CT55: variants seen among roughly 807,000 people sequenced by gnomAD.
The protein encoded by CT55 is cancer/testis antigen 55.
In CT55, 1 loss-of-function variant was observed where a neutral mutation model predicts 12.6. The ratio of observed to expected loss-of-function variants is 0.08; its 90% CI spans 0.03 to 0.38. The LOEUF is 0.38. Ranked by LOEUF, CT55 falls within the 10% of genes least tolerant of loss-of-function variation. CT55 has a pLI of 0.99. For synonymous variants in CT55, 43 were observed against 49.7 expected (o/e 0.87, Z 0.57); for missense variants, 109 against 135.4 (o/e 0.80, Z 0.97).
chrX:135,167,236 T>C (rs2083589792), intron 2 of CT55, among the ~76,000 whole-genome samples: 1 of 111,589 alleles, frequency 9.0e-6, no homozygotes, highest in African/African-American at 3.3e-5. Context: ...ACAGTACCAG[T>C]ATAAAAACGG....
At chrX:135,167,692 A>G (rs1387431330) in intron 2 of CT55, among the ~76,000 whole-genome samples, 1 of 111,150 alleles carries the variant, frequency 9.0e-6, no homozygotes, top group Non-Finnish European at 1.9e-5. Context: ...AACATTGACA[A>G]TCTATGTATC....
chrX:135,162,914 C>T (rs1444732465), intron 2 of CT55, among the ~76,000 whole-genome samples: 1 of 111,567 alleles, frequency 9.0e-6, no homozygotes, highest in Non-Finnish European at 1.9e-5. Context: ...GCTTGGATTC[C>T]AGTCTCACAA....
At chrX:135,159,737 G>T (rs1357317074) in intron 3 of CT55, among the ~76,000 whole-genome samples, 3 of 111,669 alleles carry the variant, frequency 2.7e-5, no homozygotes, top group African/African-American at 9.8e-5. Context: ...CAAACAAAAT[G>T]CAGGTCAGAA....
chrX:135,169,695 T>C lies in CT55; in HGVS notation c.178A>G (p.Ser60Gly), dbSNP rs1201406891. The C allele has an allele frequency of 2.5e-6, 3 of 1,204,840 alleles. No individual in the cohort carries two copies. The African/African-American group carries it at 5.3e-5, about 21-fold the overall frequency. ...ACGTTGCCAGTCACAACATCACTAC[T>C]GAAGTAGATCGACTCATCAATCATG... ...YGMIDESIYFSSDVVTGNVPL... is the reference protein window; with the variant it reads ...YGMIDESIYFGSDVVTGNVPL... Residue 60 changes from serine to glycine, a missense_variant, in exon 2 of 6, where the codon AGT (serine) becomes GGT (glycine). By Grantham distance (56) the Ser-to-Gly change is moderately conservative. Transcript: ENST00000276241.
Position 135,171,373 on chromosome X carries a change from C to G in CT55, c.-202G>C. Reference sequence around the variant, plus strand: ...ACACCGCAGCCTCCAAAGGAGCTCCCAGCTTCTCCGCTGACTTCTCCCTCT... The same window carrying G: ...ACACCGCAGCCTCCAAAGGAGCTCCGAGCTTCTCCGCTGACTTCTCCCTCT... On this transcript the variant is annotated 5_prime_UTR_variant, in exon 1 of 6. Coordinates refer to ENST00000276241, the MANE Select transcript of CT55 (RefSeq NM_001031705.3). The G allele has an allele frequency of 1.3e-6, 1 of 747,957 alleles. No homozygotes were observed. Among genetic ancestry groups the G allele is most frequent in the South Asian group, 3.7e-5 (1 of 27,183 alleles). The allele number at this position is 747,957 out of a possible 1,213,427, so 61.6% of individuals were successfully genotyped here. A position where few individuals can be genotyped will look rare whatever the true frequency, so the allele number is the denominator to read the frequency against.
Position 135,171,067 on chromosome X carries a change from C to G in CT55, c.94+11G>C, listed in dbSNP as rs1306806813. 13 of 1,210,137 alleles carry G rather than the reference C, an allele frequency of 1.1e-5. No individual in the cohort carries two copies. The highest frequency in any genetic ancestry group is 1.1e-5 in the Non-Finnish European group (10 of 894,487). On this transcript the variant is annotated intron_variant, in intron 1 of 5. Transcript: ENST00000276241. ...CTGGGGTGGGGGACAAGGGGACACA[C>G]AGAGGAATACCTTGTGGGAGGCCCT...
chrX:135,158,469 CA>C (rs1190568890), intron 3 of CT55, among the ~76,000 whole-genome samples, 158 bp from the exon 4 acceptor site: 6 of 112,268 alleles, frequency 5.3e-5, no homozygotes, highest in African/African-American at 1.9e-4. Flanking sequence ...TCTCTAAGTC[CA>C]AAAAGAAGTT....
Position 135,170,386 on chromosome X carries a change from T to C in CT55, c.95-608A>G, listed in dbSNP as rs369794617. Among the ~76,000 whole-genome samples the C allele has an allele frequency of 3.6e-5, 4 of 112,046 alleles. No homozygotes were observed. In the South Asian group the frequency reaches 1.5e-3, roughly 41 times the overall value. On this transcript the variant is annotated intron_variant, in intron 1 of 5. Transcript: ENST00000276241. ...CACAAGAGTGTGTAAATGTTACCTG[T>C]TAGCATTTCTACATATGAGTCTTTA... is the stretch of plus-strand genomic sequence containing the variant.
intron 3 of CT55, among the ~76,000 whole-genome samples, chrX:135,160,131 G>T (rs1449488529): frequency 2.3e-4 from 26 of 111,845 alleles, no homozygotes; most frequent in African/African-American, 7.2e-4. Flanking sequence ...GCACTTGTAG[G>T]ATTGTTTTCT....
Position 135,171,385 on chromosome X carries a change from T to C in CT55, c.-214A>G, listed in dbSNP as rs1162664669. On this transcript the variant is annotated 5_prime_UTR_variant, in exon 1 of 6. Transcript: ENST00000276241. ...CCAAAGGAGCTCCCAGCTTCTCCGC[T>C]GACTTCTCCCTCTGAGCATGCGCTC... 1.5e-6 allele frequency: 1 copy of C among 668,220 alleles called. No homozygotes were observed. The highest frequency in any genetic ancestry group is 3.9e-5 in the East Asian group (1 of 25,695). 55.1% of individuals were successfully genotyped at this position (668,220 alleles called of 1,213,427 possible).
At chrX:135,157,962 G>A (rs1261276740) in intron 4 of CT55, among the ~76,000 whole-genome samples, 9 of 79,684 alleles carry the variant, frequency 1.1e-4, no homozygotes, top group Admixed American at 1.1e-3. Flanking sequence ...TTTGGGTATC[G>A]AGTAAAATGC....
chrX:135,164,946 A>C (rs185734361), intron 2 of CT55, among the ~76,000 whole-genome samples: 126 of 112,212 alleles, frequency 1.1e-3, no homozygotes, highest in African/African-American at 3.9e-3. Flanking sequence ...ACATTAAGGT[A>C]TAAATGGTGA....
At chrX:135,169,445 T>G in intron 2 of CT55, 149 bp downstream of exon 2, 1 of 381,812 alleles carries the variant, frequency 2.6e-6, no homozygotes, top group East Asian at 4.2e-5. Flanking sequence ...CAGAAGAAGC[T>G]ACAGCTTCAG....
intron 2 of CT55, among the ~76,000 whole-genome samples, chrX:135,164,500 A>G (rs782727809): frequency 9.0e-4 from 101 of 112,222 alleles, no homozygotes; most frequent in African/African-American, 3.2e-3. Flanking sequence ...TGAAAACAGT[A>G]AAAGAGAAAG....
At chrX:135,165,069 G>A (rs1603274223) in intron 2 of CT55, among the ~76,000 whole-genome samples, 2 of 111,966 alleles carry the variant, frequency 1.8e-5, no homozygotes, top group Admixed American at 9.4e-5. Flanking sequence ...TCTGCACTCC[G>A]GACCAAATGG....
At chrX:135,160,341 G>T in intron 3 of CT55, 70 bp downstream of exon 3, 1 of 1,074,591 alleles carries the variant, frequency 9.3e-7, no homozygotes, top group South Asian at 2.3e-5. Flanking sequence ...CACTGTAAAA[G>T]TTGTTCCAGG....
intron 1 of CT55, among the ~76,000 whole-genome samples, chrX:135,170,264 C>T (rs1338366697): frequency 2.7e-5 from 3 of 112,184 alleles, no homozygotes; most frequent in Non-Finnish European, 5.6e-5. Context: ...ACCTGGAACT[C>T]CCAAAGAGCT....
At position 135,158,222 on chromosome X, in the gene CT55, T is replaced by C; in HGVS notation, c.514A>G (p.Ile172Val). ...SNIKATSVKP[I>V]RCIHTEEVCI... ...ACCTCTTCCGTATGAATACAACGGA[T>C]GGGCTTCACAGAAGTTGCCTTGATG... Residue 172 changes from isoleucine (I) to valine (V), a missense_variant, in exon 4 of 6, where the codon ATC becomes GTC. Ile to Val is a conservative substitution (Grantham distance 29). Coordinates refer to ENST00000276241, the MANE Select transcript of CT55 (RefSeq NM_001031705.3). 1 of 1,201,965 alleles carries C rather than the reference T, an allele frequency of 8.3e-7. No homozygotes were observed. Among genetic ancestry groups the C allele is most frequent in the South Asian group, 1.8e-5 (1 of 56,707 alleles).
chrX:135,160,216 A>G (rs1569481750), intron 3 of CT55, among the ~76,000 whole-genome samples, 195 bp downstream of exon 3: 1 of 111,549 alleles, frequency 9.0e-6, no homozygotes, highest in Non-Finnish European at 1.9e-5. Flanking sequence ...AAATGAACAC[A>G]CAATAACCAA....
Sources: allele counts gnomAD v4.1 joint callset (sites outside exome capture counted in the v4.1 genomes callset), GRCh38; gene constraint gnomAD v4.1.1; transcripts MANE v1.5; gene names NCBI Gene and HGNC (gene_info 2026-07-23, HGNC 2026-07-21).